Variants in CAST observed in about 807,000 individuals in gnomAD.
The protein encoded by CAST is calpastatin, also known as MIR583 host.
In CAST, 76 loss-of-function variants were observed where a neutral mutation model predicts 119.6. The observed-to-expected ratio is 0.64, with a 90% CI of 0.53 to 0.77. CAST has a LOEUF of 0.77. Ranked by LOEUF, CAST falls within the 30% of genes least tolerant of loss-of-function variation. CAST has a pLI of 0.00. For synonymous variants in CAST, 319 were observed against 331.6 expected (o/e 0.96, Z 0.41); for missense variants, 953 against 946.5 (o/e 1.01, Z -0.09).
At chr5:96,215,199 C>T in the CAST span, 2 of 152,230 alleles carry the variant, frequency 1.3e-5, no homozygotes, top group East Asian at 3.9e-4. Flanking sequence ...GGTTCTCAAA[C>T]TTTTTGGTCT....
chr5:96,364,451 C>A, the CAST span, among the ~76,000 whole-genome samples: 2 of 152,172 alleles, frequency 1.3e-5, no homozygotes, highest in Admixed American at 1.3e-4. Flanking sequence ...TCCGTCTGGT[C>A]CTGAACTTTT....
chr5:96,469,680 T>C, the CAST span, among the ~76,000 whole-genome samples: 1 of 151,688 alleles, frequency 6.6e-6, no homozygotes, highest in Non-Finnish European at 1.5e-5. Flanking sequence ...CACATACGTA[T>C]ATGCATATAT....
chr5:96,534,945 AAG>A (rs1745777128), intron 1 of CAST, among the ~76,000 whole-genome samples: 1 of 150,942 alleles, frequency 6.6e-6, no homozygotes, highest in African/African-American at 2.4e-5. Flanking sequence ...AAGAAAGAGA[AAG>A]GGAAAGAAAG....
At chr5:96,121,172 G>C in the CAST span, among the ~76,000 whole-genome samples, 54 of 152,266 alleles carry the variant, frequency 3.5e-4, no homozygotes, top group African/African-American at 1.1e-3. Flanking sequence ...TCAAAAGGGC[G>C]TAGTGTTCAC....
chr5:96,616,303 G>A (rs1258868038), intron 1 of CAST, among the ~76,000 whole-genome samples: 1 of 152,152 alleles, frequency 6.6e-6, no homozygotes, highest in Non-Finnish European at 1.5e-5. Context: ...ATCTAAGCAT[G>A]GAAGTGATGC....
chr5:96,519,391 T>C, the CAST span, among the ~76,000 whole-genome samples: 15 of 152,314 alleles, frequency 9.8e-5, no homozygotes, highest in South Asian at 2.1e-4. Flanking sequence ...CAATGGGTGC[T>C]CTGAAGGTGA....
intron 13 of CAST, 142 bp downstream of exon 13, chr5:96,740,925 G>A (rs1762532518): frequency 1.1e-5 from 7 of 650,908 alleles, no homozygotes; most frequent in Non-Finnish European, 1.9e-5. Context: ...TTCAGAGAAA[G>A]GGGTTGGTGG....
chr5:96,699,639 C>T (rs564220849), intron 3 of CAST, among the ~76,000 whole-genome samples: 2 of 152,290 alleles, frequency 1.3e-5, no homozygotes, highest in African/African-American at 2.4e-5. Flanking sequence ...CACTTCCCAG[C>T]TCATTCTTGT....
At chr5:96,379,997 A>AC in the CAST span, among the ~76,000 whole-genome samples, 6 of 152,288 alleles carry the variant, frequency 3.9e-5, no homozygotes, top group East Asian at 1.2e-3. Flanking sequence ...CTTGGTTTTA[A>AC]CCTGTATCAC....
chr5:96,656,924 AAG>A (rs1165922562), intron 1 of CAST, among the ~76,000 whole-genome samples: 1 of 143,662 alleles, frequency 7.0e-6, no homozygotes, highest in African/African-American at 2.9e-5. Flanking sequence ...ATTAAATCCA[AAG>A]AGACACTTTT....
the CAST span, among the ~76,000 whole-genome samples, chr5:96,258,921 A>G: frequency 6.6e-6 from 1 of 152,244 alleles, no homozygotes; most frequent in Admixed American, 6.5e-5. Context: ...GGGAGGTGTC[A>G]TAATACAATA....
the CAST span, among the ~76,000 whole-genome samples, chr5:96,293,402 C>G: frequency 6.6e-6 from 1 of 152,078 alleles, no homozygotes; most frequent in Admixed American, 6.6e-5. Flanking sequence ...CTCAGCCTCC[C>G]GAGTAGCTGG....
chr5:96,740,185 T>A, intron 12 of CAST, 67 bp downstream of exon 12: 1 of 769,458 alleles, frequency 1.3e-6, no homozygotes, highest in Non-Finnish European at 2.2e-6. Context: ...CATGTCAATA[T>A]TTTTACAGTG....
In CAST at chr5:96,736,177, A is replaced by G; in HGVS notation, c.636A>G (p.Lys212=). 6.2e-7 allele frequency: 1 copy of G among 1,609,612 alleles called. No homozygotes were observed. The highest frequency in any genetic ancestry group is 8.5e-7 in the Non-Finnish European group (1 of 1,177,198). The change falls in exon 10 of 32, where the codon AAA becomes AAG. Residue 212 remains lysine, a synonymous_variant. Coordinates refer to ENST00000675179, the MANE Select transcript of CAST (RefSeq NM_001750.7). ...AISGKPGDKK[K]EKKSLTPAVP... ...AATTTCTCAATTCTCACCAGAAAAA[A>G]GAAAAGAAATCATTAACCCCAGCTG...
chr5:96,441,847 G>C, the CAST span, among the ~76,000 whole-genome samples: 42,744 of 151,944 alleles, frequency 0.28, 6,781 homozygotes, highest in African/African-American at 0.43. Flanking sequence ...GTGATTATGC[G>C]TATGGGTGAT....
At chr5:96,689,292 C>T (rs1561475715) in intron 2 of CAST, among the ~76,000 whole-genome samples, 7 of 152,182 alleles carry the variant, frequency 4.6e-5, no homozygotes. Context: ...TTAGGAGGCA[C>T]TATGTTATAG....
chr5:96,570,440 T>C (rs2150186950), intron 1 of CAST, among the ~76,000 whole-genome samples: 1 of 152,156 alleles, frequency 6.6e-6, no homozygotes, highest in East Asian at 1.9e-4. Context: ...TAAATTAGTG[T>C]ACATTAGAAT....
chr5:96,106,155 A>G, the CAST span, among the ~76,000 whole-genome samples: 2 of 152,078 alleles, frequency 1.3e-5, no homozygotes, highest in Admixed American at 6.6e-5. Context: ...CTAGCGGCCT[A>G]TCAATTTTGT....
At chr5:96,069,031 ATGTG>A in the CAST span, among the ~76,000 whole-genome samples, 3 of 151,218 alleles carry the variant, frequency 2.0e-5, no homozygotes, top group Non-Finnish European at 2.9e-5. Flanking sequence ...CCAGATGTAT[ATGTG>A]TGTATGTGTG....
Sources: allele counts gnomAD v4.1 joint callset (sites outside exome capture counted in the v4.1 genomes callset), GRCh38; gene constraint gnomAD v4.1.1; transcripts MANE v1.5; gene names NCBI Gene and HGNC (gene_info 2026-07-23, HGNC 2026-07-21).